OPCML: variants seen among roughly 807,000 people sequenced by gnomAD.
The protein encoded by OPCML is opioid binding protein/cell adhesion molecule like, also known as opioid-binding protein/cell adhesion molecule.
Under a neutral mutation model 37.8 loss-of-function variants are expected in OPCML, and 13 were observed. That is an observed-to-expected ratio of 0.34 (90% CI 0.22 to 0.55). OPCML has a LOEUF of 0.55. OPCML is among the 20% of genes least tolerant of loss of function. The probability of loss-of-function intolerance (pLI) is 0.91; values close to 1 mark genes in which losing one functional copy is unlikely to be tolerated. For missense variants in OPCML, 341 were observed against 435.6 expected (o/e 0.78, Z 1.93); for synonymous variants, 176 against 168.8 (o/e 1.04, Z -0.33).
intron 1 of OPCML, among the ~76,000 whole-genome samples, chr11:133,230,717 C>A (rs974962188): frequency 3.9e-5 from 6 of 152,198 alleles, no homozygotes; most frequent in Admixed American, 1.3e-4. Flanking sequence ...GCCACCCCAT[C>A]ACAGCACCTC....
At chr11:132,901,128 C>G (rs2136499790) in intron 2 of OPCML, among the ~76,000 whole-genome samples, 1 of 152,058 alleles carries the variant, frequency 6.6e-6, no homozygotes, top group South Asian at 2.1e-4. Flanking sequence ...TACAGGGAGC[C>G]ACCATCATGC....
chr11:133,482,534 C>T (rs763534395), intron 1 of OPCML, among the ~76,000 whole-genome samples: 3 of 152,054 alleles, frequency 2.0e-5, no homozygotes, highest in Non-Finnish European at 2.9e-5. Context: ...GTGGCCGGGG[C>T]ATGGCAGTGA....
chr11:132,518,368 C>T (rs1487464357), intron 4 of OPCML, among the ~76,000 whole-genome samples: 10 of 152,170 alleles, frequency 6.6e-5, no homozygotes, highest in Admixed American at 6.5e-4. Flanking sequence ...AGGATGATGG[C>T]TTCCAGCTTC....
chr11:133,373,446 T>TATATATATATATAC (rs1482064315), intron 1 of OPCML, among the ~76,000 whole-genome samples: 2 of 133,302 alleles, frequency 1.5e-5, no homozygotes, highest in Non-Finnish European at 1.6e-5. Flanking sequence ...TATATATATA[T>TATATATATATATAC]ATACACACAC....
At chr11:133,135,169 C>T (rs1165159827) in intron 1 of OPCML, among the ~76,000 whole-genome samples, 2 of 152,174 alleles carry the variant, frequency 1.3e-5, no homozygotes, top group African/African-American at 4.8e-5. Flanking sequence ...ATGGGCCTCT[C>T]ATTTGATGGT....
chr11:132,820,607 G>T (rs1424128180), intron 2 of OPCML, among the ~76,000 whole-genome samples: 1 of 152,094 alleles, frequency 6.6e-6, no homozygotes, highest in African/African-American at 2.4e-5. Context: ...GTGTGCCATC[G>T]GAAATCAAGG....
chr11:132,883,593 A>C (rs959458987), intron 2 of OPCML, among the ~76,000 whole-genome samples: 2 of 152,202 alleles, frequency 1.3e-5, no homozygotes, highest in African/African-American at 4.8e-5. Flanking sequence ...GATGACATAC[A>C]GGAATACTGT....
At position 132,468,165 on chromosome 11, in the gene OPCML, C is replaced by T. The variant is rs139971994; in HGVS notation, c.506-30806G>A. On this transcript the variant is annotated intron_variant, in intron 4 of 7. Transcript: ENST00000524381. ...AGCTCTTGTTGATCTCTAAACTGCT[C>T]ACTCTCCTCTGGCTCTTTTTCTTCA... is the stretch of plus-strand genomic sequence containing the variant. Among the ~76,000 whole-genome samples the T allele has an allele frequency of 3.0e-4, 45 of 152,292 alleles. No individual in the cohort carries two copies. In the East Asian group the frequency reaches 8.1e-3, roughly 27 times the overall value.
intron 3 of OPCML, among the ~76,000 whole-genome samples, chr11:132,543,384 G>A (rs562689082): frequency 1.3e-5 from 2 of 152,088 alleles, no homozygotes; most frequent in East Asian, 3.9e-4. Flanking sequence ...ATGGTGGCAT[G>A]CGCTTATAGT....
chr11:132,671,142 G>T (rs1475702882), intron 2 of OPCML, among the ~76,000 whole-genome samples: 3 of 152,156 alleles, frequency 2.0e-5, no homozygotes, highest in Non-Finnish European at 4.4e-5. Flanking sequence ...CAGATGGGCA[G>T]GGACAGATGG....
intron 2 of OPCML, among the ~76,000 whole-genome samples, chr11:132,775,619 C>T (rs914723744): frequency 8.5e-5 from 13 of 152,126 alleles, no homozygotes; most frequent in Non-Finnish European, 1.3e-4. Context: ...CCTCCAGTGA[C>T]GCAATGATGT....
chr11:133,088,416 T>C (rs1948850252), intron 1 of OPCML, among the ~76,000 whole-genome samples: 1 of 152,216 alleles, frequency 6.6e-6, no homozygotes, highest in Non-Finnish European at 1.5e-5. Context: ...GCCCATGATG[T>C]GGGATAGTGA....
chr11:133,276,333 C>A (rs567858466), intron 1 of OPCML, among the ~76,000 whole-genome samples: 2 of 152,136 alleles, frequency 1.3e-5, no homozygotes, highest in African/African-American at 4.8e-5. Flanking sequence ...GCTGGACGAG[C>A]CAAGAGCAAG....
At chr11:132,493,251 G>A (rs964120917) in intron 4 of OPCML, among the ~76,000 whole-genome samples, 2 of 152,118 alleles carry the variant, frequency 1.3e-5, no homozygotes, top group African/African-American at 2.4e-5. Context: ...TCAGTAGAAT[G>A]AGCACAAAAG....
chr11:133,476,391 AGTTT>A (rs1298406232), intron 1 of OPCML, among the ~76,000 whole-genome samples: 3 of 27,864 alleles, frequency 1.1e-4, no homozygotes, highest in African/African-American at 2.9e-4. Context: ...CTCTGTTGTT[AGTTT>A]TTTTTTTTTC....
chr11:132,778,961 C>CTTTTTTTTTTTT (rs10657036), intron 2 of OPCML, among the ~76,000 whole-genome samples: 2 of 87,944 alleles, frequency 2.3e-5, no homozygotes, highest in African/African-American at 4.4e-5. Context: ...TGGTATATTT[C>CTTTTTTTTTTTT]TTTTTTTTTT....
intron 4 of OPCML, among the ~76,000 whole-genome samples, chr11:132,464,423 TG>T (rs2096113242): frequency 6.6e-6 from 1 of 152,224 alleles, no homozygotes; most frequent in South Asian, 2.1e-4. Context: ...GCCTCCAGCC[TG>T]GCCACTAGAA....
intron 4 of OPCML, among the ~76,000 whole-genome samples, chr11:132,473,173 C>T (rs558668361): frequency 6.6e-6 from 1 of 152,192 alleles, no homozygotes; most frequent in Admixed American, 6.5e-5. Flanking sequence ...TGACCTTTGG[C>T]AAAGCCATTC....
At chr11:133,508,811 C>T (rs556829481) in intron 1 of OPCML, among the ~76,000 whole-genome samples, 27 of 152,276 alleles carry the variant, frequency 1.8e-4, no homozygotes, top group East Asian at 3.9e-4. Flanking sequence ...GCGCTGAAAA[C>T]GACTCGAGTC....
Sources: gnomAD v4.1 joint callset for allele counts (sites outside exome capture counted in the v4.1 genomes callset) on GRCh38, gnomAD v4.1.1 for gene constraint, MANE v1.5 for transcripts, NCBI Gene and HGNC (gene_info 2026-07-23, HGNC 2026-07-21) for gene names.